The following GNAO1 variants were observed in gnomAD, a reference collection of about 807,000 sequenced individuals.
The protein encoded by GNAO1 is G protein subunit alpha o1.
For missense variants in GNAO1, 166 were observed against 478.7 expected, an observed-to-expected ratio of 0.35 and a Z score of 6.10; for synonymous variants, 164 against 180.7, an observed-to-expected ratio of 0.91 and a Z score of 0.74.
intron 3 of GNAO1, among the ~76,000 whole-genome samples, chr16:56,310,354 G>A (rs1317252808): frequency 6.6e-6 from 1 of 152,088 alleles, no homozygotes; most frequent in African/African-American, 2.4e-5. Context: ...GTAAATTAAA[G>A]TACAAGTTTT....
chr16:56,289,095 A>G (rs2037204711), intron 3 of GNAO1, among the ~76,000 whole-genome samples: 1 of 152,200 alleles, frequency 6.6e-6, no homozygotes, highest in Admixed American at 6.5e-5. Flanking sequence ...CCTGTGTTCA[A>G]TTGAAGACTG....
chr16:56,346,431 G>A (rs1596879248), intron 6 of GNAO1: 1 of 985,426 alleles, frequency 1.0e-6, no homozygotes, highest in Non-Finnish European at 1.2e-6. Flanking sequence ...TCTACGAAGA[G>A]CGTCTTTGCC....
chr16:56,351,464 C>T lies in GNAO1; in HGVS notation c.804C>T (p.Phe268=). 1 of 1,609,624 alleles carries T rather than the reference C, an allele frequency of 6.2e-7. No homozygotes were observed. The highest frequency in any genetic ancestry group is 8.5e-7 in the Non-Finnish European group (1 of 1,175,920). The stretch of plus-strand genomic sequence containing the variant: ...TCATCGATACCTCCATCATTCTCTT[C>T]CTCAACAAGAAAGATCTCTTTGGCG... ...KFFIDTSIIL[F]LNKKDLFGEK... is the part of the protein sequence containing the mutation. Residue 268 remains phenylalanine, a synonymous_variant, in exon 7 of 9, where the codon TTC becomes TTT. Coordinates refer to ENST00000262493, the MANE Select transcript of GNAO1 (RefSeq NM_020988.3). The surrounding 1 kb of genome is among the most constrained non-coding windows in gnomAD (Gnocchi z 6.1).
chr16:56,325,261 G>A (rs2037619893), intron 3 of GNAO1, among the ~76,000 whole-genome samples: 1 of 152,238 alleles, frequency 6.6e-6, no homozygotes, highest in Admixed American at 6.5e-5. Context: ...TGGATCACCT[G>A]AGGTTGGGAG....
At chr16:56,229,108 CTT>C (rs1406877196) in intron 2 of GNAO1, among the ~76,000 whole-genome samples, 1 of 152,148 alleles carries the variant, frequency 6.6e-6, no homozygotes, top group African/African-American at 2.4e-5. Flanking sequence ...ATGAAAAAGA[CTT>C]TAATGCTTGA....
At chr16:56,277,776 TACACACACACACACACACACAC>T (rs60891936) in intron 3 of GNAO1, among the ~76,000 whole-genome samples, 23,977 of 108,176 alleles carry the variant, frequency 0.22, 2,719 homozygotes, top group Middle Eastern at 0.28. Context: ...GCACACCCCC[TACACACACACACACACACACAC>T]ACACACACAC....
At chr16:56,270,114 C>T (rs1413864313) in intron 2 of GNAO1, 1 of 152,346 alleles carries the variant, frequency 6.6e-6, no homozygotes, top group Non-Finnish European at 1.5e-5. Context: ...TCCCAGAAAG[C>T]TCAGACCTGT....
Position 56,319,550 on chromosome 16 carries a change from C to T in GNAO1, c.304-9081C>T, listed in dbSNP as rs74652196. Among the ~76,000 whole-genome samples, 375 of 152,238 alleles carry T rather than the reference C, an allele frequency of 2.5e-3. 2 individuals are homozygous for T. The highest frequency in any genetic ancestry group is 8.6e-3 in the African/African-American group (356 of 41,536). ...GAGAGAGCTTTCTGGAAGCAGCACCCCTACCTGCTGCGCACCATGGGCTGT... is the reference window on the plus strand; with the variant it reads ...GAGAGAGCTTTCTGGAAGCAGCACCTCTACCTGCTGCGCACCATGGGCTGT... On this transcript the variant is annotated intron_variant, in intron 3 of 8. Transcript: ENST00000262493.
At chr16:56,297,160 CT>C (rs1230728419) in intron 3 of GNAO1, among the ~76,000 whole-genome samples, 1 of 152,126 alleles carries the variant, frequency 6.6e-6, no homozygotes, top group Non-Finnish European at 1.5e-5. Flanking sequence ...GTCAGATAAA[CT>C]CCACCTGCCT....
Position 56,283,833 on chromosome 16 carries a change from C to G in GNAO1, c.303+7761C>G, listed in dbSNP as rs1312393981. Among the ~76,000 whole-genome samples, 3 of 152,260 alleles carry G rather than the reference C, an allele frequency of 2.0e-5. No homozygotes were observed. The East Asian group carries it at 5.8e-4, about 29-fold the overall frequency. On this transcript the variant is annotated intron_variant, in intron 3 of 8. Coordinates refer to ENST00000262493, the MANE Select transcript of GNAO1 (RefSeq NM_020988.3). ...CAACAGCCCCAGAGCCTGCCCTGAC[C>G]CTTTGCCAGCCAGGTGAATAGAGCT...
rs191274688 is a variant in GNAO1 at position 56,351,900 on chromosome 16, C to T, written c.877+363C>T. 198 of 213,738 alleles carry T rather than the reference C, an allele frequency of 9.3e-4. 2 individuals are homozygous for T. The Admixed American group carries it at 0.011, about 12-fold the overall frequency. 13.2% of individuals were successfully genotyped at this position (213,738 alleles called of 1,614,324 possible). On this transcript the variant is annotated intron_variant, in intron 7 of 8. Coordinates refer to ENST00000262493, the MANE Select transcript of GNAO1 (RefSeq NM_020988.3). The surrounding 1 kb of genome is among the most constrained non-coding windows in gnomAD (Gnocchi z 6.1). The stretch of plus-strand genomic sequence containing the variant: ...TCTCAGCAGTGGCCTCCCCTCACCC[C>T]TGCCCAGAGCCCCACAGCACCTTTG...
At chr16:56,262,986 C>T (rs1419789960) in intron 2 of GNAO1, among the ~76,000 whole-genome samples, 1 of 152,196 alleles carries the variant, frequency 6.6e-6, no homozygotes, top group African/African-American at 2.4e-5. Context: ...GGAAATAAGC[C>T]TACAGAGGAC....
chr16:56,278,777 G>A (rs1274055956), intron 3 of GNAO1, among the ~76,000 whole-genome samples: 2 of 152,174 alleles, frequency 1.3e-5, no homozygotes, highest in Non-Finnish European at 1.5e-5. Context: ...CGAGGGGACA[G>A]AAAGTTCCAG....
At chr16:56,317,982 C>T (rs1265229804) in intron 3 of GNAO1, among the ~76,000 whole-genome samples, 2 of 152,168 alleles carry the variant, frequency 1.3e-5, no homozygotes, top group African/African-American at 2.4e-5. Flanking sequence ...GGAAAGAGCC[C>T]CAGCCGCCAA....
At chr16:56,305,440 G>C (rs1369779743) in intron 3 of GNAO1, among the ~76,000 whole-genome samples, 1 of 152,152 alleles carries the variant, frequency 6.6e-6, no homozygotes, top group African/African-American at 2.4e-5. Flanking sequence ...CCTTATCTTG[G>C]GGGTTAAAGT....
intron 2 of GNAO1, among the ~76,000 whole-genome samples, chr16:56,237,705 C>G (rs547755628): frequency 6.6e-6 from 1 of 152,116 alleles, no homozygotes; most frequent in African/African-American, 2.4e-5. Flanking sequence ...TCAGCTCCAA[C>G]AAAACCATGA....
intron 1 of GNAO1, 26 bp downstream of exon 1, chr16:56,192,379 T>TA: frequency 9.0e-7 from 1 of 1,115,912 alleles, no homozygotes; most frequent in Non-Finnish European, 1.2e-6. Flanking sequence ...GCTACCCCCA[T>TA]CCCCCGACCC....
chr16:56,283,304 C>G (rs12149900), intron 3 of GNAO1, among the ~76,000 whole-genome samples: 29,273 of 152,120 alleles, frequency 0.19, 3,038 homozygotes, highest in East Asian at 0.38. Flanking sequence ...TGCTCTATCT[C>G]AGTCACCTAC....
Position 56,345,444 on chromosome 16 carries a change from G to A in GNAO1, c.724-5940G>A. On this transcript the variant is annotated intron_variant, in intron 6 of 8. Coordinates refer to ENST00000262493, the MANE Select transcript of GNAO1 (RefSeq NM_020988.3). ...CTTGCAGCCCCCGGACTGCCCCAGA[G>A]CCGGGAAGCACCAGTGCCAACAGCT... 3.0e-6 allele frequency: 3 copies of A among 985,820 alleles called. No homozygotes were observed. In the South Asian group the frequency reaches 1.4e-4, roughly 46 times the overall value. The allele number at this position is 985,820 out of a possible 1,614,324, so 61.1% of individuals were successfully genotyped here. A position where few individuals can be genotyped will look rare whatever the true frequency, so the allele number is the denominator to read the frequency against.
Sources: allele counts gnomAD v4.1 joint callset (sites outside exome capture counted in the v4.1 genomes callset), GRCh38; gene constraint gnomAD v4.1.1; non-coding constraint Gnocchi (gnomAD v3.1); transcripts MANE v1.5; gene names NCBI Gene and HGNC (gene_info 2026-07-23, HGNC 2026-07-21).